Variants in LEKR1 observed in about 807,000 individuals in gnomAD.
LEKR1 encodes leucine, glutamate and lysine rich 1.
Under a neutral mutation model 72.4 loss-of-function variants are expected in LEKR1, and 59 were observed. That is an observed-to-expected ratio of 0.82 (90% CI 0.66 to 1.01). The LOEUF (loss-of-function observed/expected upper bound fraction) is 1.01, where lower values mean the gene tolerates loss of function less well. LEKR1 is among the 50% of genes least tolerant of loss of function. The pLI, the probability that LEKR1 is intolerant of heterozygous loss-of-function variation, is 0.00. For missense variants in LEKR1, 728 were observed against 759.2 expected, an observed-to-expected ratio of 0.96 and a Z score of 0.48; for synonymous variants, 257 against 263.2, an observed-to-expected ratio of 0.98 and a Z score of 0.23.
At chr3:156,842,567 A>G (rs978208883) in intron 2 of LEKR1, among the ~76,000 whole-genome samples, 2 of 152,220 alleles carry the variant, frequency 1.3e-5, no homozygotes, top group African/African-American at 2.4e-5. Flanking sequence ...TTAGAATTTG[A>G]AAATGACTAT....
intron 9 of LEKR1, among the ~76,000 whole-genome samples, chr3:156,999,574 G>C (rs1219299837): frequency 1.3e-5 from 2 of 152,160 alleles, no homozygotes; most frequent in African/African-American, 4.8e-5. Context: ...CAGTGGAAGG[G>C]CTAAGGGGGA....
intron 12 of LEKR1, among the ~76,000 whole-genome samples, chr3:157,041,192 G>A (rs1018533378): frequency 1.3e-5 from 2 of 151,932 alleles, no homozygotes; most frequent in African/African-American, 2.4e-5. Flanking sequence ...GATCATGCTC[G>A]CCACCAATCA....
chr3:156,974,065 T>A (rs867843455), intron 6 of LEKR1, among the ~76,000 whole-genome samples: 1 of 152,052 alleles, frequency 6.6e-6, no homozygotes, highest in Non-Finnish European at 1.5e-5. Context: ...CACAACAAGA[T>A]GGGTAAAAAA....
intron 10 of LEKR1, among the ~76,000 whole-genome samples, chr3:157,016,260 C>G (rs1228811946): frequency 6.6e-6 from 1 of 152,086 alleles, no homozygotes; most frequent in African/African-American, 2.4e-5. Context: ...ACAACAAACC[C>G]AAGTTCACCA....
chr3:156,932,723 A>AGG lies in LEKR1; in HGVS notation c.559+5121_559+5122dup, dbSNP rs750721388. On this transcript the variant is annotated intron_variant, in intron 5 of 12. Coordinates refer to ENST00000356539, the MANE Select transcript of LEKR1 (RefSeq NM_001004316.3). ...TCTGTCTCAAAAAAAAAAAAAAAAA[A>AGG]GGGTATCTATGTTATTAAATGGAGC... Among the ~76,000 whole-genome samples the AGG allele has an allele frequency of 2.4e-3, 341 of 142,644 alleles. 1 individual carries two copies. The highest frequency in any genetic ancestry group is 4.2e-3 in the East Asian group (20 of 4,800). The allele number at this position is 142,644 out of a possible 152,430, so 93.6% of individuals were successfully genotyped here.
rs1560168929 is a variant in LEKR1, at chr3:157,045,743, A to G, written c.2072A>G (p.Gln691Arg). ...LAAILRRRRS[Q>R]Q Reference sequence around the variant, plus strand: ...GCCATTCTTAGGAGAAGGCGGAGTCAGCAATGATCCAAAATGAGGAGCAGG... The same window carrying G: ...GCCATTCTTAGGAGAAGGCGGAGTCGGCAATGATCCAAAATGAGGAGCAGG... The change falls in exon 13 of 13, where the codon CAG (glutamine) becomes CGG (arginine). Residue 691 changes from glutamine to arginine, a missense_variant. Coordinates refer to ENST00000356539, the MANE Select transcript of LEKR1 (RefSeq NM_001004316.3). The G allele has an allele frequency of 6.2e-7, 1 of 1,607,180 alleles. No individual in the cohort carries two copies. Among genetic ancestry groups the G allele is most frequent in the Non-Finnish European group, 8.5e-7 (1 of 1,179,760 alleles).
intron 2 of LEKR1, among the ~76,000 whole-genome samples, chr3:156,833,040 T>G (rs1405006769): frequency 6.6e-6 from 1 of 152,226 alleles, no homozygotes; most frequent in Non-Finnish European, 1.5e-5. Context: ...GCTCCAAAGT[T>G]TGCAGATAGA....
chr3:156,910,279 A>G (rs567107446), intron 3 of LEKR1, among the ~76,000 whole-genome samples: 30 of 152,276 alleles, frequency 2.0e-4, no homozygotes, highest in Admixed American at 9.2e-4. Flanking sequence ...GTCAGCCCAT[A>G]CTGCTCTCCT....
chr3:156,854,127 G>GT (rs1357021759), intron 3 of LEKR1, among the ~76,000 whole-genome samples: 1 of 147,684 alleles, frequency 6.8e-6, no homozygotes, highest in African/African-American at 2.5e-5. Flanking sequence ...CTTACTGGAG[G>GT]TAAAAATCAC....
At chr3:157,018,689 C>A (rs1657244439) in intron 10 of LEKR1, among the ~76,000 whole-genome samples, 2 of 152,158 alleles carry the variant, frequency 1.3e-5, no homozygotes, top group African/African-American at 4.8e-5. Flanking sequence ...CACATTGTTT[C>A]CACCTTGTAG....
intron 2 of LEKR1, among the ~76,000 whole-genome samples, chr3:156,844,345 G>A (rs1714300715): frequency 1.3e-5 from 2 of 151,990 alleles, no homozygotes; most frequent in African/African-American, 4.8e-5. Context: ...ATAACACCAA[G>A]AAATCCCACT....
chr3:157,017,304 A>G (rs1305888982), intron 10 of LEKR1: 1 of 152,234 alleles, frequency 6.6e-6, no homozygotes, highest in African/African-American at 2.4e-5. Context: ...TAAAAATGCA[A>G]CACCTTACTA....
At chr3:157,039,024 G>GT (rs1735165271) in intron 12 of LEKR1, among the ~76,000 whole-genome samples, 1 of 152,044 alleles carries the variant, frequency 6.6e-6, no homozygotes, top group South Asian at 2.1e-4. Context: ...TAAAACAGCT[G>GT]TTTTTATTGT....
rs1175289803 is a variant in LEKR1, at chr3:157,017,961, A to AAAAAAAG, written c.1203+6461_1203+6462insGAAAAAA. Among the ~76,000 whole-genome samples, 21 of 149,610 alleles carry AAAAAAAG rather than the reference A, an allele frequency of 1.4e-4. No individual in the cohort carries two copies. In the East Asian group the frequency reaches 3.1e-3, roughly 22 times the overall value. On this transcript the variant is annotated intron_variant, in intron 10 of 12. Transcript: ENST00000356539. ...GAGACTCTGTCTCAAAAAAAAAAAA[A>AAAAAAAG]AAAAAAAAAAAGAAAGCTGGAGTAG... is the stretch of plus-strand genomic sequence containing the variant.
intron 9 of LEKR1, among the ~76,000 whole-genome samples, chr3:157,000,168 C>T (rs1390580537): frequency 6.6e-6 from 1 of 152,124 alleles, no homozygotes; most frequent in Admixed American, 6.5e-5. Flanking sequence ...TCTCTTCACT[C>T]AATAAATATG....
At chr3:156,877,928 G>C (rs1168888655) in intron 3 of LEKR1, among the ~76,000 whole-genome samples, 2 of 151,906 alleles carry the variant, frequency 1.3e-5, no homozygotes, top group Admixed American at 1.3e-4. Flanking sequence ...GATTCCAGGT[G>C]TGCACCACCA....
chr3:157,035,827 A>C (rs989505870), intron 12 of LEKR1, among the ~76,000 whole-genome samples: 3 of 152,184 alleles, frequency 2.0e-5, no homozygotes, highest in Admixed American at 6.5e-5. Context: ...TGAACCCAGA[A>C]GGTGGAGGTT....
intron 3 of LEKR1, among the ~76,000 whole-genome samples, chr3:156,863,945 G>T (rs1717042144): frequency 6.6e-6 from 1 of 152,018 alleles, no homozygotes; most frequent in South Asian, 2.1e-4. Flanking sequence ...TGAGTTGACA[G>T]AACTGTTAGG....
chr3:156,879,660 T>C (rs1198908944), intron 3 of LEKR1, among the ~76,000 whole-genome samples: 1 of 152,226 alleles, frequency 6.6e-6, no homozygotes, highest in Non-Finnish European at 1.5e-5. Flanking sequence ...CAGCAGCCCC[T>C]TCCATCACAG....
Sources: gnomAD v4.1 joint callset for allele counts (sites outside exome capture counted in the v4.1 genomes callset) on GRCh38, gnomAD v4.1.1 for gene constraint, MANE v1.5 for transcripts, NCBI Gene and HGNC (gene_info 2026-07-23, HGNC 2026-07-21) for gene names.